The following KCNQ3 variants were observed in gnomAD, a reference collection of about 807,000 sequenced individuals.
KCNQ3 encodes the protein potassium voltage-gated channel subfamily Q member 3, also known as potassium voltage-gated channel subfamily KQT member 3.
Under a neutral mutation model 92.5 loss-of-function variants are expected in KCNQ3, and 30 were observed. That is an observed-to-expected ratio of 0.32 (90% CI 0.24 to 0.44). The LOEUF (loss-of-function observed/expected upper bound fraction) is 0.44, where lower values mean the gene tolerates loss of function less well. Ranked by LOEUF, KCNQ3 falls within the 20% of genes least tolerant of loss-of-function variation. The pLI is 1.00. For synonymous variants in KCNQ3, 450 were observed against 468.8 expected (o/e 0.96, Z 0.52); for missense variants, 913 against 1,140.3 (o/e 0.80, Z 2.87).
chr8:132,185,662 C>T (rs892134210), intron 2 of KCNQ3, among the ~76,000 whole-genome samples: 5 of 152,200 alleles, frequency 3.3e-5, no homozygotes, highest in Non-Finnish European at 4.4e-5. Context: ...TTAGAGGTTT[C>T]GTGTATAAAT....
intron 1 of KCNQ3, among the ~76,000 whole-genome samples, chr8:132,443,862 C>A (rs1164738284): frequency 1.3e-5 from 2 of 152,120 alleles, no homozygotes; most frequent in African/African-American, 2.4e-5. Flanking sequence ...TTTACCCCCC[C>A]ATTTGTCTTA....
intron 1 of KCNQ3, among the ~76,000 whole-genome samples, chr8:132,442,674 C>G (rs1398935485): frequency 6.6e-6 from 1 of 152,166 alleles, no homozygotes; most frequent in Non-Finnish European, 1.5e-5. Flanking sequence ...AGCTCCTACC[C>G]GGGCCTTGGT....
intron 1 of KCNQ3, among the ~76,000 whole-genome samples, chr8:132,382,302 GTAA>G (rs1431915480): frequency 2.0e-5 from 3 of 152,270 alleles, no homozygotes; most frequent in Non-Finnish European, 4.4e-5. Context: ...TGTCTTCATA[GTAA>G]TGAGTGAGTT....
chr8:132,195,117 G>A (rs1827267328), intron 1 of KCNQ3, among the ~76,000 whole-genome samples: 1 of 151,628 alleles, frequency 6.6e-6, no homozygotes, highest in Non-Finnish European at 1.5e-5. Context: ...TCTCTTTTGA[G>A]AGTTGACCAC....
chr8:132,387,533 A>C (rs1343756262), intron 1 of KCNQ3, among the ~76,000 whole-genome samples: 1 of 152,220 alleles, frequency 6.6e-6, no homozygotes, highest in Non-Finnish European at 1.5e-5. Flanking sequence ...ACCACAAAAT[A>C]GAAGACTGAT....
In KCNQ3 at chr8:132,180,226, G is replaced by A. The variant is rs1237962175; in HGVS notation, c.708C>T (p.Arg236=). The change falls in exon 4 of 15, where the codon CGC becomes CGT. Residue 236 remains arginine, a synonymous_variant. Transcript: ENST00000388996. ...CACCTCTCCGGTCCATCCGCAGCATGCGCAGGATCTGCAGGAAGCGCAGGC... is the reference window on the plus strand; with the variant it reads ...CACCTCTCCGGTCCATCCGCAGCATACGCAGGATCTGCAGGAAGCGCAGGC... The part of the protein sequence containing the change: ...LRSLRFLQIL[R]MLRMDRRGGT... The A allele has an allele frequency of 1.2e-6, 2 of 1,614,084 alleles. No homozygotes were observed. The highest frequency in any genetic ancestry group is 1.7e-5 in the Admixed American group (1 of 60,008).
At chr8:132,186,447 A>G (rs1445874560) in intron 1 of KCNQ3, 1 of 426,360 alleles carries the variant, frequency 2.3e-6, no homozygotes, top group East Asian at 5.1e-5. Context: ...AGCTAGTTAG[A>G]ATTTAAACTA....
At chr8:132,335,384 T>C (rs547542661) in intron 1 of KCNQ3, among the ~76,000 whole-genome samples, 2 of 152,246 alleles carry the variant, frequency 1.3e-5, no homozygotes, top group African/African-American at 4.8e-5. Context: ...TGCACCCAAG[T>C]CTTTCCATGA....
chr8:132,211,582 G>T (rs996452489), intron 1 of KCNQ3, among the ~76,000 whole-genome samples: 1 of 152,138 alleles, frequency 6.6e-6, no homozygotes, highest in African/African-American at 2.4e-5. Flanking sequence ...CTCACTGACT[G>T]ATGAGTTAAA....
intron 1 of KCNQ3, among the ~76,000 whole-genome samples, chr8:132,419,695 C>T (rs990899037): frequency 3.3e-5 from 5 of 152,098 alleles, no homozygotes; most frequent in Non-Finnish European, 5.9e-5. Context: ...AGGTGTTGTA[C>T]CTCAAAACAA....
chr8:132,277,252 G>A (rs1816363267), intron 1 of KCNQ3, among the ~76,000 whole-genome samples: 1 of 152,124 alleles, frequency 6.6e-6, no homozygotes, highest in Non-Finnish European at 1.5e-5. Flanking sequence ...CGAACAACCT[G>A]CTTAAAGTCA....
intron 1 of KCNQ3, among the ~76,000 whole-genome samples, chr8:132,434,603 T>TA (rs1373356245): frequency 6.6e-6 from 1 of 152,228 alleles, no homozygotes; most frequent in Non-Finnish European, 1.5e-5. Flanking sequence ...TTAGAGAAGT[T>TA]AAACTATTTT....
intron 1 of KCNQ3, among the ~76,000 whole-genome samples, chr8:132,323,003 T>C (rs1370872101): frequency 6.6e-6 from 1 of 152,148 alleles, no homozygotes; most frequent in African/African-American, 2.4e-5. Flanking sequence ...AGTGCTTATG[T>C]CTGCAAGATA....
chr8:132,281,546 GTGTA>G lies in KCNQ3; in HGVS notation c.387-95369_387-95366del, dbSNP rs796641202. On this transcript the variant is annotated intron_variant, in intron 1 of 14. Transcript: ENST00000388996. ...TGTGTGTGTGTGTGTGTATATGTGT[GTGTA>G]TATATATATATATATGAAATGAATA... 7.4e-4 allele frequency among the ~76,000 whole-genome samples: 71 copies of G among 96,306 alleles called. 1 individual carries two copies. In the South Asian group the frequency reaches 0.027, roughly 37 times the overall value. 63.2% of individuals were successfully genotyped at this position (96,306 alleles called of 152,430 possible).
At chr8:132,164,282 G>A (rs1340769131) in intron 8 of KCNQ3, among the ~76,000 whole-genome samples, 2 of 149,646 alleles carry the variant, frequency 1.3e-5, no homozygotes, top group East Asian at 3.9e-4. Flanking sequence ...CCTCACAAGT[G>A]GAATGGTACT....
chr8:132,178,796 A>G (rs915003173), intron 4 of KCNQ3, among the ~76,000 whole-genome samples: 2 of 151,870 alleles, frequency 1.3e-5, no homozygotes, highest in African/African-American at 4.8e-5. Flanking sequence ...GTTAACATGC[A>G]TAAGGAAAAC....
intron 1 of KCNQ3, among the ~76,000 whole-genome samples, chr8:132,368,559 G>C (rs953899704): frequency 5.3e-5 from 8 of 151,950 alleles, no homozygotes; most frequent in Admixed American, 5.2e-4. Context: ...AGGCTGAAGT[G>C]GGAGGATCAC....
chr8:132,257,598 T>C (rs773148279), intron 1 of KCNQ3, among the ~76,000 whole-genome samples: 3 of 151,554 alleles, frequency 2.0e-5, no homozygotes, highest in Non-Finnish European at 4.4e-5. Flanking sequence ...AATACAAAAA[T>C]TAGCTGGGTG....
At chr8:132,163,787 T>C (rs190971584) in intron 8 of KCNQ3, among the ~76,000 whole-genome samples, 2 of 152,310 alleles carry the variant, frequency 1.3e-5, no homozygotes, top group Non-Finnish European at 2.9e-5. Context: ...CCAGCTCTCA[T>C]GTTGAGCTCA....
Sources: allele counts gnomAD v4.1 joint callset (sites outside exome capture counted in the v4.1 genomes callset), GRCh38; gene constraint gnomAD v4.1.1; transcripts MANE v1.5; gene names NCBI Gene and HGNC (gene_info 2026-07-23, HGNC 2026-07-21).